Variants in CHCHD3 observed in about 807,000 individuals in gnomAD.
CHCHD3 encodes coiled-coil-helix-coiled-coil-helix domain containing 3.
Under a neutral mutation model 38.2 loss-of-function variants are expected in CHCHD3, and 20 were observed. The observed-to-expected ratio is 0.52, with a 90% CI of 0.37 to 0.76. The LOEUF (loss-of-function observed/expected upper bound fraction) is 0.76. Among genes scored for constraint, CHCHD3 ranks in the 30% least tolerant of loss-of-function variants. CHCHD3 has a pLI of 0.00. For synonymous variants in CHCHD3, 82 were observed against 100.0 expected, an observed-to-expected ratio of 0.82 and a Z score of 1.07; for missense variants, 245 against 279.2, an observed-to-expected ratio of 0.88 and a Z score of 0.87.
intron 5 of CHCHD3, among the ~76,000 whole-genome samples, chr7:132,877,732 CTGTT>C (rs749143962): frequency 3.3e-5 from 5 of 152,256 alleles, no homozygotes; most frequent in Non-Finnish European, 7.4e-5. Flanking sequence ...AACCTCATCT[CTGTT>C]TGTGTAGCTC....
At chr7:132,990,234 G>C (rs549692853) in intron 3 of CHCHD3, among the ~76,000 whole-genome samples, 1 of 152,222 alleles carries the variant, frequency 6.6e-6, no homozygotes, top group East Asian at 1.9e-4. Flanking sequence ...GCTCATGCTT[G>C]ACCTATTACT....
intron 2 of CHCHD3, among the ~76,000 whole-genome samples, chr7:133,057,596 C>G (rs1287745786): frequency 1.3e-5 from 2 of 152,032 alleles, no homozygotes; most frequent in East Asian, 3.9e-4. Context: ...GGTTTCAGCT[C>G]AAAGTCCTAT....
chr7:132,787,474 G>C (rs1806347787), intron 7 of CHCHD3, among the ~76,000 whole-genome samples: 1 of 151,992 alleles, frequency 6.6e-6, no homozygotes, highest in African/African-American at 2.4e-5. Flanking sequence ...ACAGTGATGG[G>C]GCCACCAAGA....
intron 5 of CHCHD3, among the ~76,000 whole-genome samples, chr7:132,847,668 C>T (rs1380764457): frequency 6.6e-6 from 1 of 152,198 alleles, no homozygotes; most frequent in East Asian, 1.9e-4. Context: ...CACAGATACA[C>T]ATTATTGCTC....
chr7:132,951,253 C>G (rs1240593581), intron 4 of CHCHD3, among the ~76,000 whole-genome samples: 1 of 152,146 alleles, frequency 6.6e-6, no homozygotes, highest in African/African-American at 2.4e-5. Context: ...GTCTCCAAAA[C>G]TAGATACTAA....
At chr7:133,054,885 A>C (rs1302916597) in intron 2 of CHCHD3, among the ~76,000 whole-genome samples, 1 of 152,158 alleles carries the variant, frequency 6.6e-6, no homozygotes, top group Non-Finnish European at 1.5e-5. Context: ...TTCCATTGTC[A>C]AGTGTTTCTT....
At chr7:132,928,056 G>C (rs1165893089) in intron 4 of CHCHD3, among the ~76,000 whole-genome samples, 1 of 152,094 alleles carries the variant, frequency 6.6e-6, no homozygotes, top group African/African-American at 2.4e-5. Flanking sequence ...CTAAACCCCA[G>C]CTAAAGAGTA....
At chr7:132,789,002 T>A (rs1194290823) in intron 7 of CHCHD3, among the ~76,000 whole-genome samples, 8 of 152,198 alleles carry the variant, frequency 5.3e-5, no homozygotes, top group Admixed American at 1.3e-4. Context: ...GGGTTATTAT[T>A]ATATTCCAGC....
intron 5 of CHCHD3, among the ~76,000 whole-genome samples, chr7:132,869,142 T>C (rs1808703677): frequency 6.6e-6 from 1 of 152,164 alleles, no homozygotes; most frequent in South Asian, 2.1e-4. Context: ...ATTACATTAT[T>C]AGAGGGCACC....
intron 4 of CHCHD3, among the ~76,000 whole-genome samples, chr7:132,961,597 T>A (rs10263224): frequency 0.27 from 40,944 of 152,216 alleles, 5,822 homozygotes; most frequent in African/African-American, 0.34. Context: ...GTGCGTGTGC[T>A]CGCACACAAT....
At chr7:132,845,455 T>C (rs1808054490) in intron 5 of CHCHD3, among the ~76,000 whole-genome samples, 1 of 152,212 alleles carries the variant, frequency 6.6e-6, no homozygotes, top group Admixed American at 6.5e-5. Context: ...TGTTCTGTTT[T>C]TCTGTTCCTT....
At chr7:133,058,635 C>A (rs879732056) in intron 2 of CHCHD3, among the ~76,000 whole-genome samples, 28 of 152,230 alleles carry the variant, frequency 1.8e-4, no homozygotes, top group Admixed American at 1.8e-3. Context: ...TCCTCAGATC[C>A]ATTCTCAAAA....
rs147691439 is a variant in CHCHD3 at position 132,862,812 on chromosome 7, T to G, written c.453+22850A>C. ...ATATTCACATCATCTTTACCAACAG[T>G]AGACTCTATCTCAAGAAACCACTTT... is the stretch of plus-strand genomic sequence containing the variant. On this transcript the variant is annotated intron_variant, in intron 5 of 7. Transcript: ENST00000262570. Among the ~76,000 whole-genome samples, 58 of 152,342 alleles carry G rather than the reference T, an allele frequency of 3.8e-4. 1 individual carries two copies. The East Asian group carries it at 0.011, about 29-fold the overall frequency.
Position 132,826,436 on chromosome 7 carries a change from GGTGACTT to G in CHCHD3, c.524+11956_524+11962del, listed in dbSNP as rs1048772145. 1.1e-4 allele frequency among the ~76,000 whole-genome samples: 16 copies of G among 152,192 alleles called. 1 individual carries two copies. The highest frequency in any genetic ancestry group is 6.5e-4 in the Admixed American group (10 of 15,272). On this transcript the variant is annotated intron_variant, in intron 6 of 7. Transcript: ENST00000262570. ...AGCTTCATCCAGAAACACTAGCTGA[GGTGACTT>G]GTGAAACAGAGCCAAGAGCAAGAAC...
intron 1 of CHCHD3, among the ~76,000 whole-genome samples, chr7:133,072,712 G>A (rs1223430627): frequency 4.0e-5 from 6 of 151,864 alleles, no homozygotes; most frequent in African/African-American, 4.8e-5. Flanking sequence ...GGTGGCGGGC[G>A]CCTGTAGTCC....
intron 3 of CHCHD3, among the ~76,000 whole-genome samples, chr7:133,022,221 G>A (rs17421819): frequency 0.28 from 43,269 of 152,090 alleles, 6,869 homozygotes; most frequent in Non-Finnish European, 0.37. Context: ...CAAAATGTAC[G>A]TACGTAGATG....
At chr7:132,795,532 T>C (rs998526363) in intron 7 of CHCHD3, among the ~76,000 whole-genome samples, 1 of 152,184 alleles carries the variant, frequency 6.6e-6, no homozygotes, top group African/African-American at 2.4e-5. Flanking sequence ...ATCCAGATAA[T>C]ACTAACCCTC....
At chr7:133,061,072 G>A (rs964532922) in intron 2 of CHCHD3, among the ~76,000 whole-genome samples, 3 of 152,074 alleles carry the variant, frequency 2.0e-5, no homozygotes, top group East Asian at 1.9e-4. Flanking sequence ...GAGAAGACTC[G>A]AGCAGGAGAT....
chr7:132,805,339 G>C (rs1292460581), intron 6 of CHCHD3, among the ~76,000 whole-genome samples: 2 of 151,910 alleles, frequency 1.3e-5, no homozygotes, highest in Non-Finnish European at 2.9e-5. Context: ...GGGTAGTCTG[G>C]GGGGGTTCCA....
Sources: gnomAD v4.1 joint callset for allele counts (sites outside exome capture counted in the v4.1 genomes callset) on GRCh38, gnomAD v4.1.1 for gene constraint, MANE v1.5 for transcripts, NCBI Gene and HGNC (gene_info 2026-07-23, HGNC 2026-07-21) for gene names.